COL21A1: variants seen among roughly 807,000 people sequenced by gnomAD.
COL21A1 encodes the protein collagen alpha-1(XXI) chain.
Under a neutral mutation model 137.9 loss-of-function variants are expected in COL21A1, and 149 were observed. The observed-to-expected ratio is 1.08, with a 90% CI of 0.95 to 1.24. COL21A1 has a LOEUF of 1.24. Among genes scored for constraint, COL21A1 ranks in the 50% most tolerant of loss-of-function variants. The probability of loss-of-function intolerance (pLI) is 0.00; values close to 1 mark genes in which losing one functional copy is unlikely to be tolerated. For synonymous variants in COL21A1, 456 were observed against 391.5 expected (o/e 1.16, Z -1.95); for missense variants, 1,167 against 1,158.4 (o/e 1.01, Z -0.11).
At chr6:56,112,382 A>C (rs1429744064) in intron 16 of COL21A1, among the ~76,000 whole-genome samples, 2 of 152,170 alleles carry the variant, frequency 1.3e-5, no homozygotes, top group Non-Finnish European at 2.9e-5. Context: ...ATTATCTACA[A>C]AGAAAAAACA....
chr6:56,347,312 C>T (rs1765617143), intron 1 of COL21A1, among the ~76,000 whole-genome samples: 1 of 152,052 alleles, frequency 6.6e-6, no homozygotes, highest in South Asian at 2.1e-4. Context: ...GGTGTTCCTA[C>T]TGGCCCTTTC....
At chr6:56,250,422 G>A (rs1284189935), upstream of COL21A1, among the ~76,000 whole-genome samples, 1 of 152,190 alleles carries the variant, frequency 6.6e-6, no homozygotes, top group African/African-American at 2.4e-5. Flanking sequence ...GTAATGAACT[G>A]CCTGCGGAGG....
chr6:56,212,374 G>C (rs578254201), intron 1 of COL21A1, among the ~76,000 whole-genome samples: 1 of 152,000 alleles, frequency 6.6e-6, no homozygotes, highest in Non-Finnish European at 1.5e-5. Flanking sequence ...TTCTTACTGT[G>C]AATATACACT....
At chr6:56,153,278 T>A (rs1775466418) in intron 10 of COL21A1, among the ~76,000 whole-genome samples, 1 of 152,136 alleles carries the variant, frequency 6.6e-6, no homozygotes, top group African/African-American at 2.4e-5. Context: ...TTCAGTGCTA[T>A]CAGCTTGACT....
intron 22 of COL21A1, chr6:56,068,709 C>G (rs1039180012): frequency 1.2e-5 from 2 of 171,670 alleles, no homozygotes; most frequent in Non-Finnish European, 2.5e-5. Context: ...GATAGGAATG[C>G]CTGACATTGG....
At chr6:56,241,231 A>G (rs1290656619) in intron 1 of COL21A1, among the ~76,000 whole-genome samples, 3 of 152,180 alleles carry the variant, frequency 2.0e-5, no homozygotes, top group African/African-American at 7.2e-5. Flanking sequence ...AGGCCCTTAT[A>G]AATAGACAGA....
intron 16 of COL21A1, among the ~76,000 whole-genome samples, chr6:56,111,478 T>C (rs1171967194): frequency 1.3e-5 from 2 of 152,172 alleles, no homozygotes; most frequent in Non-Finnish European, 2.9e-5. Context: ...ACCATAGTAA[T>C]ATAAAATGTT....
At chr6:56,286,097 G>A (rs78522878) in intron 1 of COL21A1, among the ~76,000 whole-genome samples, 2 of 152,076 alleles carry the variant, frequency 1.3e-5, no homozygotes, top group African/African-American at 4.8e-5. Context: ...AAACTGGCCA[G>A]TCAGAAACCA....
intron 17 of COL21A1, among the ~76,000 whole-genome samples, chr6:56,098,594 A>T (rs868327378): frequency 0.028 from 104 of 3,674 alleles, 15 homozygotes; most frequent in African/African-American, 0.085. Context: ...TAAATATATA[A>T]ATATATATAT....
At position 56,282,566 on chromosome 6, in the gene COL21A1, G is replaced by A. The variant is rs116272759; in HGVS notation, c.-38-99910C>T. On this transcript the variant is annotated intron_variant, in intron 1 of 28. Coordinates refer to the COL21A1 transcript ENST00000370819. The stretch of plus-strand genomic sequence containing the variant: ...GTTTGTCTATCATATGTTTACCATG[G>A]GAAAGCTCCTCTGTGGTCAGAACAG... Among the ~76,000 whole-genome samples the A allele has an allele frequency of 8.8e-3, 1,335 of 152,262 alleles. 19 individuals are homozygous for A. Among genetic ancestry groups the A allele is most frequent in the African/African-American group, 0.03 (1,250 of 41,560 alleles).
intron 1 of COL21A1, among the ~76,000 whole-genome samples, chr6:56,228,009 G>C (rs1781320086): frequency 6.6e-6 from 1 of 151,910 alleles, no homozygotes; most frequent in Non-Finnish European, 1.5e-5. Context: ...TAAAGAACAA[G>C]ATGTGCTCAG....
intron 1 of COL21A1, among the ~76,000 whole-genome samples, chr6:56,290,310 T>C (rs1163090184): frequency 1.3e-5 from 2 of 151,548 alleles, no homozygotes; most frequent in Non-Finnish European, 2.9e-5. Context: ...TATTACAGGA[T>C]GCATAGCAGC....
At chr6:56,182,348 A>G (rs1777966509) in intron 2 of COL21A1, among the ~76,000 whole-genome samples, 183 bp downstream of exon 2, 1 of 152,188 alleles carries the variant, frequency 6.6e-6, no homozygotes, top group African/African-American at 2.4e-5. Context: ...TCATCTCAAA[A>G]TTATCTCTGA....
At chr6:56,128,049 TG>T (rs1365846145) in intron 12 of COL21A1, among the ~76,000 whole-genome samples, 2 of 152,114 alleles carry the variant, frequency 1.3e-5, no homozygotes, top group Non-Finnish European at 2.9e-5. Context: ...GACACACAAT[TG>T]TGCTGGAAGG....
rs377112827 is a variant in COL21A1, at chr6:56,060,768, G to C, written c.2380C>G (p.Arg794Gly). Reference protein sequence around the residue: ...PGREFSEQFIRQVCTDVIRAQ... With the variant: ...PGREFSEQFIGQVCTDVIRAQ... ...CTTATTACATCTGTGCAAACTTGTC[G>C]AATAAATTGTTCTGAAAACTCTCTT... is the stretch of plus-strand genomic sequence containing the variant. Residue 794 changes from arginine to glycine, a missense_variant, in exon 27 of 30, where the codon CGA (arginine) becomes GGA (glycine). Physicochemically the swap from Arg to Gly is moderately radical, Grantham distance 125. Transcript: ENST00000244728. 6.2e-7 allele frequency: 1 copy of C among 1,609,398 alleles called. No individual in the cohort carries two copies. The highest frequency in any genetic ancestry group is 8.5e-7 in the Non-Finnish European group (1 of 1,178,754).
chr6:56,346,357 G>A (rs1322116038), intron 1 of COL21A1, among the ~76,000 whole-genome samples: 1 of 152,154 alleles, frequency 6.6e-6, no homozygotes. Flanking sequence ...ACTCTTTTGG[G>A]TCTAGCTGCT....
rs548207722 is a variant in COL21A1 at position 56,132,398 on chromosome 6, C to A, written c.1543-6249G>T. Among the ~76,000 whole-genome samples, 71 of 151,972 alleles carry A rather than the reference C, an allele frequency of 4.7e-4. No homozygotes were observed. The South Asian group carries it at 8.7e-3, about 19-fold the overall frequency. Reference sequence around the variant, plus strand: ...TGGAAAAATAAGTATTCAAAAGTAGCCAGGAAATTTTGATTATAAAGAATA... The same window carrying A: ...TGGAAAAATAAGTATTCAAAAGTAGACAGGAAATTTTGATTATAAAGAATA... On this transcript the variant is annotated intron_variant, in intron 12 of 29. Transcript: ENST00000244728.
intron 17 of COL21A1, among the ~76,000 whole-genome samples, chr6:56,087,620 TTTATAG>T (rs1768387986): frequency 6.6e-6 from 1 of 151,878 alleles, no homozygotes; most frequent in Admixed American, 6.6e-5. Flanking sequence ...CCAGCTGGTG[TTTATAG>T]TTTCCCTTCA....
chr6:56,064,206 A>G (rs905106336), intron 24 of COL21A1, among the ~76,000 whole-genome samples: 4 of 152,014 alleles, frequency 2.6e-5, no homozygotes, highest in Non-Finnish European at 4.4e-5. Flanking sequence ...GCCCCAACTG[A>G]TTTTCAAGAA....
Sources: allele counts gnomAD v4.1 joint callset (sites outside exome capture counted in the v4.1 genomes callset), GRCh38; gene constraint gnomAD v4.1.1; transcripts MANE v1.5; gene names NCBI Gene and HGNC (gene_info 2026-07-23, HGNC 2026-07-21).